GALNTL6: variants seen among roughly 807,000 people sequenced by gnomAD.
GALNTL6 encodes polypeptide N-acetylgalactosaminyltransferase-like 6.
A neutral mutation model predicts 73.7 loss-of-function variants in GALNTL6; 46 were observed. The observed-to-expected ratio is 0.62, with a 90% CI of 0.49 to 0.80. GALNTL6 has a LOEUF of 0.80. Ranked by LOEUF, GALNTL6 falls within the 30% of genes least tolerant of loss-of-function variation. The probability of loss-of-function intolerance (pLI) is 0.00; values close to 1 mark genes in which losing one functional copy is unlikely to be tolerated. For synonymous variants in GALNTL6, 259 were observed against 263.7 expected (o/e 0.98, Z 0.17); for missense variants, 604 against 755.0 (o/e 0.80, Z 2.34).
At chr4:171,958,501 TG>T (rs1267111054) in intron 2 of GALNTL6, among the ~76,000 whole-genome samples, 1 of 152,180 alleles carries the variant, frequency 6.6e-6, no homozygotes, top group African/African-American at 2.4e-5. Context: ...GTCATTTCTA[TG>T]AGAAGAAGTT....
chr4:172,222,873 A>G (rs1736731224), intron 2 of GALNTL6, among the ~76,000 whole-genome samples: 1 of 152,028 alleles, frequency 6.6e-6, no homozygotes, highest in Non-Finnish European at 1.5e-5. Flanking sequence ...AATGGGAGTC[A>G]TGATTAAGAC....
chr4:172,819,794 G>T (rs1443343898), intron 7 of GALNTL6, among the ~76,000 whole-genome samples: 1 of 152,156 alleles, frequency 6.6e-6, no homozygotes, highest in African/African-American at 2.4e-5. Context: ...AGAAAGCAGA[G>T]CTAAGAATTC....
intron 5 of GALNTL6, among the ~76,000 whole-genome samples, chr4:172,429,714 A>T (rs535799145): frequency 1.1e-4 from 16 of 152,292 alleles, no homozygotes; most frequent in African/African-American, 3.8e-4. Context: ...CCTTAGTCTT[A>T]CTTAGAAGAA....
intron 10 of GALNTL6, among the ~76,000 whole-genome samples, chr4:173,000,374 T>C (rs976266626): frequency 3.2e-4 from 49 of 152,052 alleles, no homozygotes; most frequent in African/African-American, 1.1e-3. Context: ...TAAAGACTCA[T>C]AAAAAACCAC....
At chr4:172,105,653 T>G (rs1003429168) in intron 2 of GALNTL6, among the ~76,000 whole-genome samples, 1 of 152,066 alleles carries the variant, frequency 6.6e-6, no homozygotes, top group African/African-American at 2.4e-5. Context: ...AATTTTTTAT[T>G]AGTAAACAAT....
intron 2 of GALNTL6, among the ~76,000 whole-genome samples, chr4:172,190,378 A>G (rs1251993201): frequency 1.3e-5 from 2 of 152,222 alleles, no homozygotes; most frequent in Non-Finnish European, 1.5e-5. Context: ...ATGAAACTCC[A>G]TCTACTTGGG....
intron 10 of GALNTL6, among the ~76,000 whole-genome samples, chr4:173,003,381 C>A (rs948653611): frequency 2.0e-5 from 3 of 152,124 alleles, no homozygotes; most frequent in Non-Finnish European, 2.9e-5. Flanking sequence ...GAAGAACAGG[C>A]CTGCAATGCT....
intron 3 of GALNTL6, among the ~76,000 whole-genome samples, chr4:172,231,543 A>T (rs836324): frequency 2.6e-5 from 4 of 152,208 alleles, no homozygotes; most frequent in African/African-American, 9.6e-5. Flanking sequence ...AATAATTGGA[A>T]AATATGGAGT....
chr4:172,627,663 A>T (rs929066416), intron 5 of GALNTL6, among the ~76,000 whole-genome samples: 1 of 150,952 alleles, frequency 6.6e-6, no homozygotes, highest in Non-Finnish European at 1.5e-5. Context: ...TTACTAATTT[A>T]TTTATTCAAT....
intron 5 of GALNTL6, among the ~76,000 whole-genome samples, chr4:172,439,147 C>T (rs1203240342): frequency 6.8e-6 from 1 of 146,816 alleles, no homozygotes; most frequent in Non-Finnish European, 1.5e-5. Context: ...ACTTCATCCT[C>T]CAGCTACCCA....
chr4:172,082,538 G>A (rs1731909908), intron 2 of GALNTL6, among the ~76,000 whole-genome samples: 1 of 152,070 alleles, frequency 6.6e-6, no homozygotes, highest in Admixed American at 6.5e-5. Flanking sequence ...AACTGTATAG[G>A]GGAGAATGTA....
chr4:172,590,808 A>C (rs1333384127), intron 5 of GALNTL6, among the ~76,000 whole-genome samples: 3 of 152,102 alleles, frequency 2.0e-5, no homozygotes, highest in African/African-American at 4.8e-5. Context: ...CTTTTCTGAC[A>C]AAAGGGAGTA....
intron 2 of GALNTL6, among the ~76,000 whole-genome samples, chr4:172,170,849 T>C (rs28602395): frequency 0.038 from 5,717 of 152,232 alleles, 352 homozygotes; most frequent in African/African-American, 0.13. Context: ...AATGGACTAC[T>C]ACATGCACTG....
Position 173,021,476 on chromosome 4 carries a change from C to T in GALNTL6, c.1489C>T (p.Leu497Phe). Residue 497 changes from leucine to phenylalanine, a missense_variant and splice_region_variant, in exon 12 of 13, where the codon CTT becomes TTT. By Grantham distance (22) the Leu-to-Phe change is conservative. Transcript: ENST00000506823. Reference sequence around the variant, plus strand: ...TTTTCTGCTACTGTTGCTTTGCTAGCTTTTTACCTTTGGATGGAGAGAAGA... The same window carrying T: ...TTTTCTGCTACTGTTGCTTTGCTAGTTTTTTACCTTTGGATGGAGAGAAGA... ...GSERTWSHEQLFTFGWREDIR... is the reference protein window; with the variant it reads ...GSERTWSHEQFFTFGWREDIR... 1 of 1,614,024 alleles carries T rather than the reference C, an allele frequency of 6.2e-7. No homozygotes were observed. The highest frequency in any genetic ancestry group is 2.2e-5 in the East Asian group (1 of 44,880).
intron 2 of GALNTL6, among the ~76,000 whole-genome samples, chr4:172,089,999 G>C (rs1732155367): frequency 6.6e-6 from 1 of 152,118 alleles, no homozygotes; most frequent in African/African-American, 2.4e-5. Context: ...ATGGTTTCCA[G>C]CTTCATCCAT....
intron 2 of GALNTL6, among the ~76,000 whole-genome samples, chr4:172,115,364 T>C (rs546314391): frequency 2.6e-5 from 4 of 152,134 alleles, no homozygotes; most frequent in Non-Finnish European, 5.9e-5. Context: ...TGAAATAATT[T>C]TGAGAAATTG....
chr4:172,057,752 AT>A (rs1560904296), intron 2 of GALNTL6, among the ~76,000 whole-genome samples: 37 of 142,888 alleles, frequency 2.6e-4, no homozygotes, highest in African/African-American at 9.2e-4. Context: ...ATATATATAT[AT>A]ATATAAATCA....
chr4:172,859,094 CAT>C (rs2111130612), intron 7 of GALNTL6, among the ~76,000 whole-genome samples: 1 of 149,974 alleles, frequency 6.7e-6, no homozygotes, highest in East Asian at 2.0e-4. Context: ...GGTCAGGAAT[CAT>C]ATTAACTACA....
At chr4:172,118,969 C>G (rs1013222462) in intron 2 of GALNTL6, among the ~76,000 whole-genome samples, 1 of 151,208 alleles carries the variant, frequency 6.6e-6, no homozygotes, top group Non-Finnish European at 1.5e-5. Context: ...ATAGATAAAG[C>G]CTTTTTTTTT....
Sources: gnomAD v4.1 joint callset for allele counts (sites outside exome capture counted in the v4.1 genomes callset) on GRCh38, gnomAD v4.1.1 for gene constraint, MANE v1.5 for transcripts, NCBI Gene and HGNC (gene_info 2026-07-23, HGNC 2026-07-21) for gene names.